Variants in TRIM2 observed in about 807,000 individuals in gnomAD.
The protein encoded by TRIM2 is tripartite motif-containing protein 2.
In TRIM2, 20 loss-of-function variants were observed where a neutral mutation model predicts 75.2. The ratio of observed to expected loss-of-function variants is 0.27; its 90% CI spans 0.19 to 0.39. The LOEUF (loss-of-function observed/expected upper bound fraction) is 0.39. Among genes scored for constraint, TRIM2 ranks in the 10% least tolerant of loss-of-function variants. The pLI is 1.00. For synonymous variants in TRIM2, 373 were observed against 388.3 expected (o/e 0.96, Z 0.46); for missense variants, 660 against 990.8 (o/e 0.67, Z 4.48).
chr4:153,188,187 C>T (rs922777543), intron 1 of TRIM2, among the ~76,000 whole-genome samples: 6 of 152,294 alleles, frequency 3.9e-5, no homozygotes, highest in African/African-American at 1.4e-4. Context: ...GGGCCAGGCG[C>T]GGTGGCTCAC....
At chr4:153,326,681 A>G (rs904482009) in intron 10 of TRIM2, among the ~76,000 whole-genome samples, 2 of 152,222 alleles carry the variant, frequency 1.3e-5, no homozygotes, top group Non-Finnish European at 2.9e-5. Flanking sequence ...AAACATATTG[A>G]CTCAGAAAGA....
intron 1 of TRIM2, among the ~76,000 whole-genome samples, chr4:153,176,951 G>T (rs986189937): frequency 3.9e-5 from 6 of 152,328 alleles, no homozygotes; most frequent in Admixed American, 1.3e-4. Context: ...TAATTCAGCT[G>T]TGACAGAAAA....
intron 1 of TRIM2, among the ~76,000 whole-genome samples, chr4:153,164,631 C>A (rs905114286): frequency 6.6e-6 from 1 of 152,186 alleles, no homozygotes; most frequent in African/African-American, 2.4e-5. Flanking sequence ...GGCAGGCAAC[C>A]AGTATTACCA....
At chr4:153,205,766 G>T (rs997842165) in intron 1 of TRIM2, among the ~76,000 whole-genome samples, 2 of 152,144 alleles carry the variant, frequency 1.3e-5, no homozygotes, top group Admixed American at 6.5e-5. Flanking sequence ...CTTGTTTAAA[G>T]CCACCATGCT....
intron 1 of TRIM2, among the ~76,000 whole-genome samples, chr4:153,241,103 T>A (rs1355361118): frequency 6.6e-6 from 1 of 152,132 alleles, no homozygotes; most frequent in Non-Finnish European, 1.5e-5. Context: ...AAAAAAACCT[T>A]TTCCTGTAGA....
chr4:153,276,847 T>C (rs566708089), intron 3 of TRIM2, among the ~76,000 whole-genome samples: 2 of 152,314 alleles, frequency 1.3e-5, no homozygotes, highest in South Asian at 4.1e-4. Context: ...TCTTTATCAG[T>C]TAAAAAAAAG....
chr4:153,333,748 AAAT>A (rs756336360), intron 11 of TRIM2, among the ~76,000 whole-genome samples: 1 of 152,224 alleles, frequency 6.6e-6, no homozygotes, highest in Non-Finnish European at 1.5e-5. Flanking sequence ...CAATGATTAA[AAAT>A]AATACGAATT....
At chr4:153,199,823 A>C (rs1734141045), upstream of TRIM2, among the ~76,000 whole-genome samples, 1 of 151,698 alleles carries the variant, frequency 6.6e-6, no homozygotes, top group South Asian at 2.1e-4. Context: ...GCCCAGGCTG[A>C]AGTGTAGTGG....
At chr4:153,271,978 G>C (rs1756792810) in intron 2 of TRIM2, among the ~76,000 whole-genome samples, 1 of 152,074 alleles carries the variant, frequency 6.6e-6, no homozygotes, top group African/African-American at 2.4e-5. Context: ...GGCTGCCCTA[G>C]GTCTGCCCCT....
At chr4:153,329,506 A>G (rs571580531) in intron 11 of TRIM2, among the ~76,000 whole-genome samples, 3 of 151,676 alleles carry the variant, frequency 2.0e-5, no homozygotes, top group Non-Finnish European at 2.9e-5. Context: ...AGCTAGAAAG[A>G]AAAGAGCAAA....
At chr4:153,177,630 AGCAAG>A (rs775018282) in intron 1 of TRIM2, among the ~76,000 whole-genome samples, 2 of 151,442 alleles carry the variant, frequency 1.3e-5, no homozygotes, top group Non-Finnish European at 2.9e-5. Flanking sequence ...TGGGCAACAG[AGCAAG>A]ACTCCTTCTC....
intron 1 of TRIM2, among the ~76,000 whole-genome samples, chr4:153,184,733 T>C (rs142966664): frequency 1.3e-5 from 2 of 152,336 alleles, no homozygotes; most frequent in East Asian, 1.9e-4. Context: ...TCAGAGTTCA[T>C]TGGGAAATCA....
At chr4:153,171,889 T>G (rs1425783923) in intron 1 of TRIM2, among the ~76,000 whole-genome samples, 2 of 141,288 alleles carry the variant, frequency 1.4e-5, no homozygotes, top group Admixed American at 1.5e-4. Context: ...TCAGATATTT[T>G]GATTCACATG....
chr4:153,316,909 C>T lies in TRIM2; in HGVS notation c.1782+910C>T, dbSNP rs374928373. 7.6e-3 allele frequency among the ~76,000 whole-genome samples: 635 copies of T among 83,862 alleles called. 7 individuals carry two copies. Among genetic ancestry groups the T allele is most frequent in the African/African-American group, 0.033 (599 of 18,150 alleles). 55.0% of individuals were successfully genotyped at this position (83,862 alleles called of 152,430 possible). ...TTTTTTTTTTTTTTTGAGACGGAGT[C>T]TTGCTCTGTCACCCAGTCTGGAGTG... On this transcript the variant is annotated intron_variant, in intron 8 of 11. Coordinates refer to ENST00000338700, the MANE Select transcript of TRIM2 (RefSeq NM_015271.5).
chr4:153,250,839 C>T (rs1750690628), intron 1 of TRIM2, among the ~76,000 whole-genome samples: 1 of 152,192 alleles, frequency 6.6e-6, no homozygotes, highest in Non-Finnish European at 1.5e-5. Flanking sequence ...CTATCCTGAT[C>T]CTTGAGACTC....
rs1561043693 is a variant in TRIM2, at chr4:153,338,251, CTACT to C, written c.*3288_*3291del. ...GTTAACAGAAATGCTTTGGTAATACCTACTTAGTTAATTGGAGGAAGTAGTAAAT... is the reference window on the plus strand; with the variant it reads ...GTTAACAGAAATGCTTTGGTAATACCTAGTTAATTGGAGGAAGTAGTAAAT... On this transcript the variant is annotated 3_prime_UTR_variant, in exon 12 of 12. Coordinates refer to ENST00000338700, the MANE Select transcript of TRIM2 (RefSeq NM_015271.5). The C allele has an allele frequency of 5.1e-6, 5 of 985,782 alleles. No homozygotes were observed. The highest frequency in any genetic ancestry group is 6.0e-6 in the Non-Finnish European group (5 of 829,906). The allele number at this position is 985,782 out of a possible 1,614,324, so 61.1% of individuals were successfully genotyped here. A position where few individuals can be genotyped will look rare whatever the true frequency, so the allele number is the denominator to read the frequency against.
chr4:153,186,305 C>A (rs1732590124), intron 1 of TRIM2, among the ~76,000 whole-genome samples: 1 of 152,134 alleles, frequency 6.6e-6, no homozygotes, highest in Non-Finnish European at 1.5e-5. Flanking sequence ...AGGTTACATT[C>A]AGCCCTAACA....
intron 1 of TRIM2, among the ~76,000 whole-genome samples, chr4:153,195,179 G>A (rs187538130): frequency 2.6e-5 from 4 of 152,338 alleles, no homozygotes; most frequent in African/African-American, 9.6e-5. Flanking sequence ...AAGGCCATGT[G>A]AAGACAGAGA....
intron 1 of TRIM2, among the ~76,000 whole-genome samples, chr4:153,154,678 A>G (rs562207729): frequency 7.9e-5 from 12 of 152,234 alleles, no homozygotes; most frequent in South Asian, 2.1e-4. Flanking sequence ...AGTAGTAATC[A>G]GTATAGCTTA....
Sources: allele counts gnomAD v4.1 joint callset (sites outside exome capture counted in the v4.1 genomes callset), GRCh38; gene constraint gnomAD v4.1.1; transcripts MANE v1.5; gene names NCBI Gene and HGNC (gene_info 2026-07-23, HGNC 2026-07-21).